Variants in IPO13 observed in about 807,000 individuals in gnomAD.
The protein encoded by IPO13 is importin-13.
A neutral mutation model predicts 115.5 loss-of-function variants in IPO13; 28 were observed. The ratio of observed to expected loss-of-function variants is 0.24; its 90% CI spans 0.18 to 0.33. The LOEUF (loss-of-function observed/expected upper bound fraction) is 0.33. IPO13 is among the 10% of genes least tolerant of loss of function. The pLI is 1.00. For synonymous variants in IPO13, 414 were observed against 478.9 expected, an observed-to-expected ratio of 0.86 and a Z score of 1.77; for missense variants, 785 against 1,204.6, an observed-to-expected ratio of 0.65 and a Z score of 5.16.
chr1:43,951,286 TG>T (rs1337041166), intron 2 of IPO13, among the ~76,000 whole-genome samples: 1 of 152,094 alleles, frequency 6.6e-6, no homozygotes. Context: ...GACACATGAG[TG>T]GCAAGTACAA....
chr1:43,954,386 C>G (rs1402014043), intron 2 of IPO13, among the ~76,000 whole-genome samples: 1 of 152,192 alleles, frequency 6.6e-6, no homozygotes, highest in Non-Finnish European at 1.5e-5. Flanking sequence ...GCCGATGTCC[C>G]TAGGCTGGTT....
chr1:43,956,255 T>C lies in IPO13; in HGVS notation c.822-65T>C. On this transcript the variant is annotated intron_variant, in intron 2 of 19. Coordinates refer to ENST00000372343, the MANE Select transcript of IPO13 (RefSeq NM_014652.4). The surrounding 1 kb of genome is among the most constrained non-coding windows in gnomAD (Gnocchi z 4.7). Reference sequence around the variant, plus strand: ...ATGGAAGACAAGGAGATTATGCCTTTCTCTTAAAGCCAGTGTGGGGTTGAG... The same window carrying C: ...ATGGAAGACAAGGAGATTATGCCTTCCTCTTAAAGCCAGTGTGGGGTTGAG... 4 of 1,579,328 alleles carry C rather than the reference T, an allele frequency of 2.5e-6. No individual in the cohort carries two copies. The highest frequency in any genetic ancestry group is 2.6e-6 in the Non-Finnish European group (3 of 1,154,856).
Position 43,967,644 on chromosome 1 carries a change from C to CGGG in IPO13, c.2856_2858dup (p.Gly953dup). The CGGG allele has an allele frequency of 6.2e-7, 1 of 1,614,172 alleles. No individual in the cohort carries two copies. Among genetic ancestry groups the CGGG allele is most frequent in the South Asian group, 1.1e-5 (1 of 91,084 alleles). On this transcript the variant is annotated inframe_insertion, in exon 20 of 20. Transcript: ENST00000372343. The surrounding 1 kb of genome is among the most constrained non-coding windows in gnomAD (Gnocchi z 6.1). The stretch of plus-strand genomic sequence containing the variant: ...GGTGAAGGAGTTCACACTGCTGTGC[C>CGGG]GGGGTCTCCATGGCACAGATTACAC...
At chr1:43,948,918 C>T (rs979596580) in intron 1 of IPO13, among the ~76,000 whole-genome samples, 4 of 152,226 alleles carry the variant, frequency 2.6e-5, no homozygotes, top group Non-Finnish European at 4.4e-5. Flanking sequence ...CTTAGTCCTG[C>T]TCTGATTTCA....
chr1:43,947,066 A>G lies in IPO13; in HGVS notation c.-535A>G. The G allele has an allele frequency of 2.5e-6, 1 of 398,718 alleles. No individual in the cohort carries two copies. The highest frequency in any genetic ancestry group is 4.4e-6 in the Non-Finnish European group (1 of 226,124). The allele number at this position is 398,718 out of a possible 1,614,324, so 24.7% of individuals were successfully genotyped here. On this transcript the variant is annotated 5_prime_UTR_variant, in exon 1 of 20. Coordinates refer to ENST00000372343, the MANE Select transcript of IPO13 (RefSeq NM_014652.4). ...GGACCTGCCACAGCCCCTCAACTCC[A>G]CGGACTCTTCGCCCTAGACTAGCGG...
rs1205715268 is a variant in IPO13 at position 43,966,744 on chromosome 1, C to T, written c.2485C>T (p.Pro829Ser). The T allele has an allele frequency of 1.9e-6, 3 of 1,614,160 alleles. No individual in the cohort carries two copies. In the Admixed American group the frequency reaches 5.0e-5, roughly 27 times the overall value. ...FQCAVLALKF[P>S]EAPTVKASCG... ...CACAGCTGTGCTGGCCCTCAAGTTC[C>T]CTGAGGCACCTACTGTCAAGGCCTC... The change falls in exon 17 of 20, where the codon CCT becomes TCT. Residue 829 changes from proline to serine, a missense_variant. This residue lies in a region of IPO13 where 285 missense variants were observed against 394.8 expected (regional missense o/e 0.72). Coordinates refer to ENST00000372343, the MANE Select transcript of IPO13 (RefSeq NM_014652.4). The surrounding 1 kb of genome is among the most constrained non-coding windows in gnomAD (Gnocchi z 4.1).
chr1:43,951,069 G>C (rs1490523047), intron 2 of IPO13, among the ~76,000 whole-genome samples: 1 of 152,208 alleles, frequency 6.6e-6, no homozygotes, highest in Non-Finnish European at 1.5e-5. Flanking sequence ...GGGGGAGGAA[G>C]GTGGATTGTT....
intron 2 of IPO13, among the ~76,000 whole-genome samples, chr1:43,951,788 G>C (rs1158685317): frequency 1.3e-5 from 2 of 152,160 alleles, no homozygotes; most frequent in African/African-American, 4.8e-5. Context: ...GAGACTTCAT[G>C]GAAGAGTGGC....
intron 12 of IPO13, 54 bp downstream of exon 12, chr1:43,960,383 A>G (rs1172141532): frequency 1.2e-5 from 18 of 1,496,754 alleles, no homozygotes; most frequent in African/African-American, 2.8e-5. Context: ...GAGGTGTAGC[A>G]GGGTAAGATG....
At chr1:43,950,303 T>C (rs549417022) in intron 2 of IPO13, 150 bp downstream of exon 2, 2 of 868,032 alleles carry the variant, frequency 2.3e-6, no homozygotes. Flanking sequence ...ACATGGTCCC[T>C]GTCCTCATGG....
Position 43,958,215 on chromosome 1 carries a change from T to TA in IPO13, c.1723-26dup. 1 of 1,614,138 alleles carries TA rather than the reference T, an allele frequency of 6.2e-7. No individual in the cohort carries two copies. The highest frequency in any genetic ancestry group is 8.5e-7 in the Non-Finnish European group (1 of 1,180,008). On this transcript the variant is annotated intron_variant, in intron 8 of 19. Transcript: ENST00000372343. The surrounding 1 kb of genome is among the most constrained non-coding windows in gnomAD (Gnocchi z 6.3). ...CAGAGCACACTCTGCACTGTGCTGA[T>TA]ACTACATTCCTTCTTTCTCCCCTCA... is the stretch of plus-strand genomic sequence containing the variant.
intron 14 of IPO13, among the ~76,000 whole-genome samples, chr1:43,964,037 C>T (rs976558966): frequency 6.6e-5 from 10 of 152,200 alleles, no homozygotes; most frequent in Admixed American, 2.6e-4. Context: ...GGGGAGTAGG[C>T]GGAAGGCCCC....
chr1:43,949,388 C>T lies in IPO13; in HGVS notation c.85-29C>T, dbSNP rs968187540. 3 of 1,554,204 alleles carry T rather than the reference C, an allele frequency of 1.9e-6. No homozygotes were observed. The African/African-American group carries it at 4.1e-5, about 21-fold the overall frequency. Reference sequence around the variant, plus strand: ...CTCTGGCAGGATCCAGAGTGGCCAGCACCTGCTCAGTCCTGTGCTGTCCTG... The same window carrying T: ...CTCTGGCAGGATCCAGAGTGGCCAGTACCTGCTCAGTCCTGTGCTGTCCTG... On this transcript the variant is annotated intron_variant, in intron 1 of 19. Transcript: ENST00000372343.
In IPO13 at chr1:43,958,054, A is replaced by G; in HGVS notation, c.1618A>G (p.Asn540Asp). ...GCCCTTGGTACTGCATGCCCTAGGC[A>G]ATCCTGAGCTGTCTGTCTCTTCTGT... Reference protein sequence around the residue: ...VLPLVLHALGNPELSVSSVST... With the variant: ...VLPLVLHALGDPELSVSSVST... The change falls in exon 8 of 20, where the codon AAT becomes GAT. Residue 540 changes from asparagine to aspartate, a missense_variant. This residue lies in a region of IPO13 where 175 missense variants were observed against 360.0 expected (regional missense o/e 0.49). Coordinates refer to ENST00000372343, the MANE Select transcript of IPO13 (RefSeq NM_014652.4). This position sits in a 1 kb window ranked among gnomAD's most constrained non-coding sequence, Gnocchi z 6.3. 1 of 1,614,162 alleles carries G rather than the reference A, an allele frequency of 6.2e-7. No individual in the cohort carries two copies.
chr1:43,964,641 G>A (rs2085310227), intron 15 of IPO13, among the ~76,000 whole-genome samples: 1 of 152,204 alleles, frequency 6.6e-6, no homozygotes, highest in Non-Finnish European at 1.5e-5. Flanking sequence ...TGCCCAAGAA[G>A]TTCACGTGTA....
Position 43,967,494 on chromosome 1 carries a change from T to C in IPO13, c.2793T>C (p.Leu931=), listed in dbSNP as rs1263078824. Residue 931 remains leucine (L), a splice_region_variant and synonymous_variant, in exon 19 of 20, where the codon CTT becomes CTC. Coordinates refer to ENST00000372343, the MANE Select transcript of IPO13 (RefSeq NM_014652.4). The surrounding 1 kb of genome is among the most constrained non-coding windows in gnomAD (Gnocchi z 6.1). ...AGGATACCTTCAGCCAGCAGATCCT[T>C]CGGTGAGCAGAGCTGGGGTGGGCCT... The part of the protein sequence containing the change: ...EQKDTFSQQI[L]RERVNKRRVK... 1 of 1,614,004 alleles carries C rather than the reference T, an allele frequency of 6.2e-7. No individual in the cohort carries two copies. Among genetic ancestry groups the C allele is most frequent in the East Asian group, 2.2e-5 (1 of 44,868 alleles).
intron 14 of IPO13, among the ~76,000 whole-genome samples, chr1:43,963,272 G>A (rs2085301711): frequency 6.6e-6 from 1 of 152,178 alleles, no homozygotes; most frequent in Non-Finnish European, 1.5e-5. Context: ...GCCTGGGTAG[G>A]AGCTCCAGGT....
At chr1:43,948,200 G>A (rs2085180867) in intron 1 of IPO13, among the ~76,000 whole-genome samples, 1 of 152,250 alleles carries the variant, frequency 6.6e-6, no homozygotes, top group South Asian at 2.1e-4. Flanking sequence ...GCCTGGGGCT[G>A]TCTCCCTTTG....
chr1:43,958,621 G>C lies in IPO13; in HGVS notation c.1884+26G>C. 6.2e-7 allele frequency: 1 copy of C among 1,613,976 alleles called. No homozygotes were observed. The highest frequency in any genetic ancestry group is 8.5e-7 in the Non-Finnish European group (1 of 1,179,990). On this transcript the variant is annotated intron_variant, in intron 10 of 19. Transcript: ENST00000372343. This position sits in a 1 kb window ranked among gnomAD's most constrained non-coding sequence, Gnocchi z 6.3. Reference sequence around the variant, plus strand: ...GTGAGTGAGCTCTGGGGGCCAGGGAGCGGTACTGAGATGCTGTGGCTGATG... The same window carrying C: ...GTGAGTGAGCTCTGGGGGCCAGGGACCGGTACTGAGATGCTGTGGCTGATG...
Sources: gnomAD v4.1 joint callset for allele counts (sites outside exome capture counted in the v4.1 genomes callset) on GRCh38, gnomAD v4.1.1 for gene constraint, gnomAD v4.1.1 regional missense constraint, Gnocchi (gnomAD v3.1) non-coding constraint, MANE v1.5 for transcripts, NCBI Gene and HGNC (gene_info 2026-07-23, HGNC 2026-07-21) for gene names.